CDH12: variants seen among roughly 807,000 people sequenced by gnomAD.
CDH12 encodes cadherin-12.
Under a neutral mutation model 74.1 loss-of-function variants are expected in CDH12, and 41 were observed. The ratio of observed to expected loss-of-function variants is 0.55; its 90% confidence interval spans 0.43 to 0.72. The LOEUF (loss-of-function observed/expected upper bound fraction) is 0.72, where lower values mean the gene tolerates loss of function less well. CDH12 is among the 30% of genes least tolerant of loss of function. CDH12 has a pLI of 0.00. For missense variants in CDH12, 945 were observed against 977.2 expected (o/e 0.97, Z 0.44); for synonymous variants, 399 against 355.0 (o/e 1.12, Z -1.39).
At chr5:21,948,644 G>C (rs1755686492) in intron 6 of CDH12, among the ~76,000 whole-genome samples, 1 of 151,918 alleles carries the variant, frequency 6.6e-6, no homozygotes, top group African/African-American at 2.4e-5. Flanking sequence ...AGACTCTGGG[G>C]GACTGTTAGG....
At chr5:22,624,436 T>C (rs548627374) in intron 1 of CDH12, among the ~76,000 whole-genome samples, 92 of 152,204 alleles carry the variant, frequency 6.0e-4, no homozygotes, top group African/African-American at 2.0e-3. Flanking sequence ...ATCCAGAATC[T>C]ACAAAGAACT....
chr5:21,760,664 T>C lies in CDH12; in HGVS notation c.1527A>G (p.Ile509Met), dbSNP rs1579650047. ...AAAGATCTCGGTCTGCAGCACTGACTATCTGAATTATCTGCAACAGAGTTG... is the reference window on the plus strand; with the variant it reads ...AAAGATCTCGGTCTGCAGCACTGACCATCTGAATTATCTGCAACAGAGTTG... ...ENAKPGQIIQIVSAADRDLSP... is the reference protein window; with the variant it reads ...ENAKPGQIIQMVSAADRDLSP... Residue 509 changes from isoleucine (I) to methionine (M), a missense_variant, in exon 13 of 15, where the codon ATA (isoleucine) becomes ATG (methionine). Around this residue, in one of 3 missense-constraint regions of CDH12, gnomAD observed 791 missense variants for 792.8 expected, o/e 1.00. Coordinates refer to ENST00000382254, the MANE Select transcript of CDH12 (RefSeq NM_004061.5). 6.4e-7 allele frequency: 1 copy of C among 1,574,356 alleles called. No homozygotes were observed.
At chr5:22,046,472 G>A (rs1323586440) in intron 5 of CDH12, among the ~76,000 whole-genome samples, 3 of 127,164 alleles carry the variant, frequency 2.4e-5, no homozygotes, top group African/African-American at 6.5e-5. Flanking sequence ...TCTCGCTGTC[G>A]CCCAGGCTGG....
intron 5 of CDH12, among the ~76,000 whole-genome samples, chr5:22,010,357 C>G (rs111597355): frequency 0.01 from 1,540 of 152,232 alleles, 15 homozygotes; most frequent in African/African-American, 0.035. Context: ...GAATGCTGGA[C>G]TAAGAATTTA....
chr5:22,489,675 C>T (rs140127538), intron 2 of CDH12, among the ~76,000 whole-genome samples: 3 of 150,584 alleles, frequency 2.0e-5, no homozygotes, highest in Admixed American at 1.3e-4. Flanking sequence ...CTTTGTGATG[C>T]CTTGTGCAGT....
At position 22,491,034 on chromosome 5, in the gene CDH12, G is replaced by T. The variant is rs531790797; in HGVS notation, c.-428+14236C>A. 7.9e-5 allele frequency among the ~76,000 whole-genome samples: 12 copies of T among 152,258 alleles called. No homozygotes were observed. In the South Asian group the frequency reaches 2.3e-3, roughly 29 times the overall value. ...ATTCAGGAGGTCCACTTGCAGGTTT[G>T]TTGCATAGGTATATTGCACGACACT... On this transcript the variant is annotated intron_variant, in intron 2 of 14. Coordinates refer to ENST00000382254, the MANE Select transcript of CDH12 (RefSeq NM_004061.5).
intron 3 of CDH12, among the ~76,000 whole-genome samples, chr5:22,310,789 G>A (rs1738356450): frequency 6.6e-6 from 1 of 152,154 alleles, no homozygotes. Flanking sequence ...CATCATGGAT[G>A]TTCCCTGGGC....
At chr5:22,131,434 G>C (rs907915527) in intron 4 of CDH12, among the ~76,000 whole-genome samples, 1 of 152,110 alleles carries the variant, frequency 6.6e-6, no homozygotes, top group Admixed American at 6.6e-5. Context: ...GGATAAGATA[G>C]ATTGATTTTA....
chr5:22,057,451 T>C (rs902824276), intron 5 of CDH12, among the ~76,000 whole-genome samples: 12 of 151,696 alleles, frequency 7.9e-5, no homozygotes, highest in African/African-American at 2.4e-4. Flanking sequence ...TTGTCAATTG[T>C]GAGGAAAAAA....
Position 21,982,813 on chromosome 5 carries a change from T to C in CDH12, c.232-7428A>G, listed in dbSNP as rs141722638. ...TAGAACAATGTAAACCTTTTTGTTT[T>C]ATTACCAAATAATTTGTATTTCCTA... is the stretch of plus-strand genomic sequence containing the variant. On this transcript the variant is annotated intron_variant, in intron 5 of 14. Coordinates refer to ENST00000382254, the MANE Select transcript of CDH12 (RefSeq NM_004061.5). Among the ~76,000 whole-genome samples the C allele has an allele frequency of 8.9e-4, 135 of 152,288 alleles. 2 individuals are homozygous for C. The East Asian group carries it at 0.023, about 25-fold the overall frequency.
intron 1 of CDH12, among the ~76,000 whole-genome samples, chr5:22,569,541 G>A (rs572589504): frequency 2.6e-5 from 4 of 152,218 alleles, no homozygotes; most frequent in South Asian, 2.1e-4. Context: ...GAATGGTCTC[G>A]CACACCTCAA....
chr5:22,291,739 G>T (rs1358903954), intron 3 of CDH12, among the ~76,000 whole-genome samples: 1 of 152,058 alleles, frequency 6.6e-6, no homozygotes, highest in African/African-American at 2.4e-5. Flanking sequence ...TGTGTTCATG[G>T]ATTGGATTAA....
chr5:22,091,814 C>A (rs1009506637), intron 4 of CDH12, among the ~76,000 whole-genome samples: 1 of 151,718 alleles, frequency 6.6e-6, no homozygotes, highest in Non-Finnish European at 1.5e-5. Flanking sequence ...CTCAAAACAC[C>A]ACTGCAATAA....
At chr5:22,284,166 AC>A (rs1737036362) in intron 3 of CDH12, among the ~76,000 whole-genome samples, 1 of 152,188 alleles carries the variant, frequency 6.6e-6, no homozygotes, top group Non-Finnish European at 1.5e-5. Flanking sequence ...TTTTGATAGA[AC>A]TTTGAAGAAC....
At chr5:22,478,896 G>A (rs978092262) in intron 2 of CDH12, among the ~76,000 whole-genome samples, 3 of 152,060 alleles carry the variant, frequency 2.0e-5, no homozygotes, top group African/African-American at 4.8e-5. Flanking sequence ...ATTAAAGAAC[G>A]AAATGGAGGA....
Position 22,508,813 on chromosome 5 carries a change from T to G in CDH12, c.-522-3449A>C, listed in dbSNP as rs1015754358. Among the ~76,000 whole-genome samples, 14 of 152,102 alleles carry G rather than the reference T, an allele frequency of 9.2e-5. No individual in the cohort carries two copies. In the East Asian group the frequency reaches 2.1e-3, roughly 23 times the overall value. The stretch of plus-strand genomic sequence containing the variant: ...GGAGCAAACCAATGTATGTCTTACA[T>G]GTATTTGATTGATGTCTCATGCCTC... On this transcript the variant is annotated intron_variant, in intron 1 of 14. Coordinates refer to ENST00000382254, the MANE Select transcript of CDH12 (RefSeq NM_004061.5).
rs1000626278 is a variant in CDH12, at chr5:22,733,940, G to A, written c.-523+119118C>T. Among the ~76,000 whole-genome samples the A allele has an allele frequency of 2.0e-5, 3 of 151,874 alleles. No individual in the cohort carries two copies. The East Asian group carries it at 5.8e-4, about 29-fold the overall frequency. ...TTACAGTTGTGAAGACTGGGGAAGT[G>A]TTGGGACAGCCAGTCAACAATATCC... On this transcript the variant is annotated intron_variant, in intron 1 of 14. Coordinates refer to ENST00000382254, the MANE Select transcript of CDH12 (RefSeq NM_004061.5).
intron 6 of CDH12, among the ~76,000 whole-genome samples, chr5:21,974,812 C>T (rs561957943): frequency 1.3e-5 from 2 of 152,182 alleles, no homozygotes; most frequent in East Asian, 1.9e-4. Context: ...AATTTCAATA[C>T]AAAATACATT....
chr5:22,456,107 TTA>T (rs36020133), intron 2 of CDH12, among the ~76,000 whole-genome samples: 4,552 of 147,696 alleles, frequency 0.031, 98 homozygotes, highest in African/African-American at 0.054. Context: ...CATGTGGATA[TTA>T]TATATATATA....
Sources: allele counts gnomAD v4.1 joint callset (sites outside exome capture counted in the v4.1 genomes callset), GRCh38; gene constraint gnomAD v4.1.1; regional missense constraint gnomAD v4.1.1; transcripts MANE v1.5; gene names NCBI Gene and HGNC (gene_info 2026-07-23, HGNC 2026-07-21).